Variants in SYNPR observed in about 807,000 individuals in gnomAD.
SYNPR encodes the protein synaptoporin.
Under a neutral mutation model 32.9 loss-of-function variants are expected in SYNPR, and 23 were observed. The ratio of observed to expected loss-of-function variants is 0.70; its 90% CI spans 0.50 to 0.99. The LOEUF is 0.99. Among genes scored for constraint, SYNPR ranks in the 50% least tolerant of loss-of-function variants. The pLI is 0.00. For synonymous variants in SYNPR, 146 were observed against 135.9 expected (o/e 1.07, Z -0.52); for missense variants, 318 against 349.3 (o/e 0.91, Z 0.71).
chr3:63,258,609 A>G (rs1012222169), intron 2 of SYNPR, among the ~76,000 whole-genome samples: 1 of 152,102 alleles, frequency 6.6e-6, no homozygotes, highest in Non-Finnish European at 1.5e-5. Flanking sequence ...AATGCCCACA[A>G]GAGAAAGCAG....
At chr3:63,592,017 G>A (rs924791710) in intron 4 of SYNPR, among the ~76,000 whole-genome samples, 4 of 151,922 alleles carry the variant, frequency 2.6e-5, no homozygotes, top group Admixed American at 2.0e-4. Context: ...TTCAGTTAAG[G>A]ATCTCATAAT....
At chr3:63,208,086 C>T in the SYNPR span, among the ~76,000 whole-genome samples, 1 of 151,754 alleles carries the variant, frequency 6.6e-6, no homozygotes, top group African/African-American at 2.4e-5. Context: ...CAATAACTTC[C>T]AGAATATACT....
Position 63,402,041 on chromosome 3 carries a change from TCCTTAATTTCATATACTCAA to T in SYNPR, c.85-78790_85-78771del, listed in dbSNP as rs1314139965. The stretch of plus-strand genomic sequence containing the variant: ...AAGACAAATAGGCCCCTGCTGTTCA[TCCTTAATTTCATATACTCAA>T]GCCTACATGCTCATAAATGAAGAGC... On this transcript the variant is annotated intron_variant, in intron 2 of 5. Transcript: ENST00000478300. Among the ~76,000 whole-genome samples the T allele has an allele frequency of 2.3e-3, 345 of 152,264 alleles. 1 individual carries two copies. The highest frequency in any genetic ancestry group is 8.1e-3 in the African/African-American group (337 of 41,548).
chr3:63,393,500 T>G (rs1331370267), intron 2 of SYNPR, among the ~76,000 whole-genome samples: 1 of 134,578 alleles, frequency 7.4e-6, no homozygotes, highest in Non-Finnish European at 1.6e-5. Context: ...TCTTCTCTTT[T>G]TTTTTTTTTT....
rs1482584312 is a variant in SYNPR at position 63,393,491 on chromosome 3, C to CTTTTTT, written c.85-87339_85-87338insTTTTTT. On this transcript the variant is annotated intron_variant, in intron 2 of 5. Coordinates refer to ENST00000478300, the MANE Select transcript of SYNPR (RefSeq NM_001130003.2). ...CCTTTCCTTCCTTCCTTCTTTCTTT[C>CTTTTTT]TTCTCTTTTTTTTTTTTTTTTTTTT... 7.2e-3 allele frequency among the ~76,000 whole-genome samples: 832 copies of CTTTTTT among 115,948 alleles called. 21 individuals carry two copies. Among genetic ancestry groups the CTTTTTT allele is most frequent in the African/African-American group, 0.021 (557 of 26,052 alleles). The allele number at this position is 115,948 out of a possible 152,430, so 76.1% of individuals were successfully genotyped here.
At chr3:63,460,424 C>G (rs1700561193) in intron 2 of SYNPR, among the ~76,000 whole-genome samples, 1 of 152,082 alleles carries the variant, frequency 6.6e-6, no homozygotes, top group East Asian at 1.9e-4. Flanking sequence ...TTGCTGATTA[C>G]TTAATCAATG....
chr3:63,580,396 T>A (rs186955560), intron 4 of SYNPR, among the ~76,000 whole-genome samples: 1 of 152,182 alleles, frequency 6.6e-6, no homozygotes, highest in Non-Finnish European at 1.5e-5. Context: ...AAGTCAGGCA[T>A]GACCTGTGGG....
intron 2 of SYNPR, among the ~76,000 whole-genome samples, chr3:63,255,436 G>C (rs1008498502): frequency 1.3e-5 from 2 of 152,082 alleles, no homozygotes; most frequent in African/African-American, 4.8e-5. Context: ...TTATGCCAAG[G>C]TACTACACAA....
At chr3:63,334,849 A>G (rs949774265) in intron 2 of SYNPR, among the ~76,000 whole-genome samples, 1 of 152,148 alleles carries the variant, frequency 6.6e-6, no homozygotes, top group African/African-American at 2.4e-5. Flanking sequence ...GAAAACTGCA[A>G]TAACCTTTGC....
intron 2 of SYNPR, among the ~76,000 whole-genome samples, chr3:63,344,902 C>A (rs1043281135): frequency 1.3e-5 from 2 of 152,100 alleles, no homozygotes; most frequent in East Asian, 3.9e-4. Context: ...CTTGAGCTGA[C>A]TCCCTGCCTG....
At chr3:63,483,211 A>T (rs1701080852) in intron 3 of SYNPR, among the ~76,000 whole-genome samples, 1 of 152,210 alleles carries the variant, frequency 6.6e-6, no homozygotes. Context: ...TGTTAATAAT[A>T]AAAGACTGAA....
chr3:63,537,483 C>A (rs755208453), intron 3 of SYNPR, among the ~76,000 whole-genome samples: 6 of 152,096 alleles, frequency 3.9e-5, no homozygotes, highest in Non-Finnish European at 5.9e-5. Context: ...TGGTAATCTT[C>A]TGTTTATGTG....
intron 1 of SYNPR, among the ~76,000 whole-genome samples, chr3:63,239,879 C>T (rs2086228471): frequency 6.6e-6 from 1 of 152,084 alleles, no homozygotes; most frequent in Admixed American, 6.6e-5. Flanking sequence ...TGCACCCATC[C>T]TACCATTGTC....
At chr3:63,299,424 G>C (rs2086821394) in intron 2 of SYNPR, among the ~76,000 whole-genome samples, 2 of 151,782 alleles carry the variant, frequency 1.3e-5, no homozygotes, top group African/African-American at 4.8e-5. Flanking sequence ...TTCTGTTTTT[G>C]TTTTGTTTTG....
the SYNPR span, among the ~76,000 whole-genome samples, chr3:63,208,174 A>G: frequency 6.6e-6 from 1 of 152,148 alleles, no homozygotes; most frequent in East Asian, 1.9e-4. Context: ...CATAGTAAAG[A>G]GATGGTTGTG....
chr3:63,467,376 C>G (rs955777178), intron 2 of SYNPR, among the ~76,000 whole-genome samples: 2 of 152,052 alleles, frequency 1.3e-5, no homozygotes, highest in Non-Finnish European at 2.9e-5. Flanking sequence ...GAATTTGTTC[C>G]CTAGTATTTT....
At chr3:63,589,017 G>A (rs1703254486) in intron 4 of SYNPR, among the ~76,000 whole-genome samples, 1 of 151,988 alleles carries the variant, frequency 6.6e-6, no homozygotes, top group Non-Finnish European at 1.5e-5. Context: ...TTTGGTCCTG[G>A]CCAACCCAGT....
At chr3:63,513,457 T>C (rs1466209235) in intron 3 of SYNPR, among the ~76,000 whole-genome samples, 1 of 152,162 alleles carries the variant, frequency 6.6e-6, no homozygotes, top group Non-Finnish European at 1.5e-5. Context: ...GATCCCACTT[T>C]GTCCTTTTTA....
chr3:63,232,772 A>C (rs2086175827), intron 1 of SYNPR, among the ~76,000 whole-genome samples: 1 of 152,178 alleles, frequency 6.6e-6, no homozygotes, highest in African/African-American at 2.4e-5. Flanking sequence ...CATCACCCAG[A>C]ATGAGGATGT....
Sources: allele counts gnomAD v4.1 joint callset (sites outside exome capture counted in the v4.1 genomes callset), GRCh38; gene constraint gnomAD v4.1.1; transcripts MANE v1.5; gene names NCBI Gene and HGNC (gene_info 2026-07-23, HGNC 2026-07-21).